WDR33: variants seen among roughly 807,000 people sequenced by gnomAD.
The protein encoded by WDR33 is WD repeat domain 33, also known as pre-mRNA 3' end processing protein WDR33.
A neutral mutation model predicts 164.9 loss-of-function variants in WDR33; 47 were observed. The observed-to-expected ratio is 0.29, with a 90% confidence interval of 0.23 to 0.36. WDR33 has a LOEUF of 0.36. Ranked by LOEUF, WDR33 falls within the 10% of genes least tolerant of loss-of-function variation. WDR33 has a pLI of 1.00. For missense variants in WDR33, 1,137 were observed against 1,754.1 expected (o/e 0.65, Z 6.28); for synonymous variants, 505 against 589.0 (o/e 0.86, Z 2.06).
chr2:127,764,743 A>G lies in WDR33; in HGVS notation c.626+85T>C, dbSNP rs1687774770. ...AGTTTCCCAGAAACTGACAGAGCCCATGCATCTCTGCACCCAGAATACACT... is the reference window on the plus strand; with the variant it reads ...AGTTTCCCAGAAACTGACAGAGCCCGTGCATCTCTGCACCCAGAATACACT... On this transcript the variant is annotated intron_variant, in intron 6 of 21. Coordinates refer to ENST00000322313, the MANE Select transcript of WDR33 (RefSeq NM_018383.5). This position sits in a 1 kb window ranked among gnomAD's most constrained non-coding sequence, Gnocchi z 6.2. 2 of 1,614,102 alleles carry G rather than the reference A, an allele frequency of 1.2e-6. No homozygotes were observed. The highest frequency in any genetic ancestry group is 1.3e-5 in the African/African-American group (1 of 74,932).
Position 127,701,783 on chromosome 2 carries a change from G to C in WDR33, c.*4540C>G, listed in dbSNP as rs1257331143. ...TGGCGGCGGGCGGCGGGTGCCTGCTGCTGGCTGCACTGTGTTTCGGCCTAG... is the reference window on the plus strand; with the variant it reads ...TGGCGGCGGGCGGCGGGTGCCTGCTCCTGGCTGCACTGTGTTTCGGCCTAG... On this transcript the variant is annotated 3_prime_UTR_variant, in exon 22 of 22. Transcript: ENST00000322313. 1 of 1,437,474 alleles carries C rather than the reference G, an allele frequency of 7.0e-7. No homozygotes were observed. The highest frequency in any genetic ancestry group is 9.1e-7 in the Non-Finnish European group (1 of 1,096,332). The allele number at this position is 1,437,474 out of a possible 1,614,324, so 89.0% of individuals were successfully genotyped here. A position where few individuals can be genotyped will look rare whatever the true frequency, so the allele number is the denominator to read the frequency against.
chr2:127,772,162 C>T (rs1331440199), intron 1 of WDR33, among the ~76,000 whole-genome samples: 1 of 151,278 alleles, frequency 6.6e-6, no homozygotes, highest in African/African-American at 2.4e-5. Flanking sequence ...CACAGCTGGG[C>T]GCAGTGGCTC....
rs1404609691 is a variant in WDR33, at chr2:127,706,424, A to G, written c.3910T>C (p.Ser1304Pro). ...TTACTGCCACTCCGGCCCCCTCGAG[A>G]AGGGGTGCCACTGCCTGGAGGGCCC... The part of the protein sequence containing the change: ...FGGPPGSGTP[S>P]RGGRSGSNWG... Residue 1304 changes from serine to proline, a missense_variant, in exon 22 of 22, where the codon TCT becomes CCT. Ser to Pro is a moderately conservative substitution (Grantham distance 74). Transcript: ENST00000322313. This position sits in a 1 kb window ranked among gnomAD's most constrained non-coding sequence, Gnocchi z 5.1. 6.2e-7 allele frequency: 1 copy of G among 1,613,560 alleles called. No individual in the cohort carries two copies. Among genetic ancestry groups the G allele is most frequent in the South Asian group, 1.1e-5 (1 of 90,960 alleles).
In WDR33 at chr2:127,763,972, G is replaced by C; in HGVS notation, c.627-813C>G. On this transcript the variant is annotated intron_variant, in intron 6 of 21. Transcript: ENST00000322313. This position sits in a 1 kb window ranked among gnomAD's most constrained non-coding sequence, Gnocchi z 4.5. ...AACAATTTCTGTTAAGATTCTGAAA[G>C]TATGAACAAATGACTACAGTGGATG... 1.0e-6 allele frequency: 1 copy of C among 985,868 alleles called. No individual in the cohort carries two copies. Among genetic ancestry groups the C allele is most frequent in the Non-Finnish European group, 1.2e-6 (1 of 830,288 alleles). The allele number at this position is 985,868 out of a possible 1,614,324, so 61.1% of individuals were successfully genotyped here. A position where few individuals can be genotyped will look rare whatever the true frequency, so the allele number is the denominator to read the frequency against.
intron 21 of WDR33, among the ~76,000 whole-genome samples, chr2:127,707,648 T>C (rs1022030123): frequency 6.6e-6 from 1 of 152,140 alleles, no homozygotes; most frequent in African/African-American, 2.4e-5. Context: ...TGATGATACA[T>C]AAGGTAATTT....
chr2:127,701,976 A>T lies in WDR33; in HGVS notation c.*4347T>A. 3.7e-6 allele frequency: 5 copies of T among 1,367,144 alleles called. No individual in the cohort carries two copies. In the South Asian group the frequency reaches 8.0e-5, roughly 22 times the overall value. 84.7% of individuals were successfully genotyped at this position (1,367,144 alleles called of 1,614,324 possible). The stretch of plus-strand genomic sequence containing the variant: ...GCCGTCCCGGCCCGCGCTGCTCTAC[A>T]TGGCAGCGCTGGGCGCCACGCTGTT... On this transcript the variant is annotated 3_prime_UTR_variant, in exon 22 of 22. Transcript: ENST00000322313.
chr2:127,748,884 T>TAA (rs59425653), intron 7 of WDR33, among the ~76,000 whole-genome samples: 28 of 104,982 alleles, frequency 2.7e-4, no homozygotes, highest in African/African-American at 4.2e-4. Context: ...AGCTGAAACT[T>TAA]AAAAAAAAAA....
chr2:127,748,509 T>G (rs1687228214), intron 7 of WDR33, among the ~76,000 whole-genome samples: 2 of 152,300 alleles, frequency 1.3e-5, no homozygotes, highest in African/African-American at 4.8e-5. Flanking sequence ...AAGACCATGG[T>G]AAAATGTTTT....
chr2:127,747,906 A>C (rs1391889859), intron 7 of WDR33, among the ~76,000 whole-genome samples: 1 of 152,234 alleles, frequency 6.6e-6, no homozygotes, highest in Non-Finnish European at 1.5e-5. Flanking sequence ...TCTGACATGT[A>C]CAGCTTAAAC....
intron 1 of WDR33, among the ~76,000 whole-genome samples, chr2:127,781,572 A>T (rs1244022133): frequency 6.6e-6 from 1 of 152,232 alleles, no homozygotes; most frequent in Non-Finnish European, 1.5e-5. Flanking sequence ...AAACTGGGTA[A>T]CATAAATAGA....
rs397763436 is a variant in WDR33, at chr2:127,725,231, C to CA, written c.852-17dup. 2,657 of 1,552,804 alleles carry CA rather than the reference C, an allele frequency of 1.7e-3. 24 individuals carry two copies. In the African/African-American group the frequency reaches 0.027, roughly 16 times the overall value. ...ATGGGCATGACTAGAAACAAAGTAT[C>CA]AAAAAAAAATGTCAGAATTCAAAAC... On this transcript the variant is annotated splice_polypyrimidine_tract_variant and intron_variant, in intron 8 of 21. Coordinates refer to ENST00000322313, the MANE Select transcript of WDR33 (RefSeq NM_018383.5).
chr2:127,753,490 A>G (rs913857380), intron 7 of WDR33, among the ~76,000 whole-genome samples: 40 of 152,244 alleles, frequency 2.6e-4, no homozygotes, highest in Admixed American at 2.4e-3. Flanking sequence ...TGGAAATGAC[A>G]TATCAATGAG....
chr2:127,752,596 C>CAA (rs34369142), intron 7 of WDR33, among the ~76,000 whole-genome samples: 207 of 76,208 alleles, frequency 2.7e-3, no homozygotes, highest in South Asian at 3.3e-3. Context: ...GACTCCGTCT[C>CAA]AAAAAAAAAA....
Position 127,722,600 on chromosome 2 carries a change from C to T in WDR33, c.1509G>A (p.Gln503=). 1 of 1,613,434 alleles carries T rather than the reference C, an allele frequency of 6.2e-7. No homozygotes were observed. Among genetic ancestry groups the T allele is most frequent in the Non-Finnish European group, 8.5e-7 (1 of 1,179,832 alleles). The part of the protein sequence containing the change: ...KVPYAKPIPA[Q]FQQAWMQNKV... ...AGTCACTTTTACTTACCTGCTGGAA[C>T]TGAGCAGGAATGGGTTTTGCATAAG... The change falls in exon 14 of 22, where the codon CAG becomes CAA. Residue 503 remains glutamine, a synonymous_variant. Coordinates refer to ENST00000322313, the MANE Select transcript of WDR33 (RefSeq NM_018383.5). This position sits in a 1 kb window ranked among gnomAD's most constrained non-coding sequence, Gnocchi z 5.1.
chr2:127,736,813 T>TA, intron 7 of WDR33: 1 of 985,416 alleles, frequency 1.0e-6, no homozygotes, highest in Non-Finnish European at 1.2e-6. Context: ...TGCTGAAACT[T>TA]ACATATCAGG....
chr2:127,781,396 G>A (rs911661356), intron 1 of WDR33, among the ~76,000 whole-genome samples: 10 of 152,068 alleles, frequency 6.6e-5, no homozygotes, highest in Admixed American at 2.0e-4. Context: ...TTATGGTGGC[G>A]AACACAGGAA....
chr2:127,787,525 C>A (rs1688631728), intron 1 of WDR33, among the ~76,000 whole-genome samples: 1 of 130,022 alleles, frequency 7.7e-6, no homozygotes, highest in Admixed American at 7.1e-5. Context: ...GGGCGGCTGG[C>A]CGGTCGGGGG....
In WDR33 at chr2:127,735,915, T is replaced by G; in HGVS notation, c.725-9138A>C. On this transcript the variant is annotated intron_variant, in intron 7 of 21. Coordinates refer to ENST00000322313, the MANE Select transcript of WDR33 (RefSeq NM_018383.5). This position sits in a 1 kb window ranked among gnomAD's most constrained non-coding sequence, Gnocchi z 4.3. ...TGTCCAGTCTAGAAAGTTACATCAG[T>G]GAAAAACTATAGAATTAAATGGAAA... 1.0e-6 allele frequency: 1 copy of G among 985,396 alleles called. No individual in the cohort carries two copies. The highest frequency in any genetic ancestry group is 1.2e-6 in the Non-Finnish European group (1 of 829,914). The allele number at this position is 985,396 out of a possible 1,614,324, so 61.0% of individuals were successfully genotyped here.
rs1181968345 is a variant in WDR33, at chr2:127,730,632, T to TAAA, written c.725-3858_725-3856dup. On this transcript the variant is annotated intron_variant, in intron 7 of 21. Transcript: ENST00000322313. ...AAAAAGCTCATGAAATAATGTGAAC[T>TAAA]AAAAAGCAAGCAAAACACACAAACT... Among the ~76,000 whole-genome samples, 5 of 151,458 alleles carry TAAA rather than the reference T, an allele frequency of 3.3e-5. No homozygotes were observed. The South Asian group carries it at 1.0e-3, about 32-fold the overall frequency.
Sources: gnomAD v4.1 joint callset for allele counts (sites outside exome capture counted in the v4.1 genomes callset) on GRCh38, gnomAD v4.1.1 for gene constraint, Gnocchi (gnomAD v3.1) non-coding constraint, MANE v1.5 for transcripts, NCBI Gene and HGNC (gene_info 2026-07-23, HGNC 2026-07-21) for gene names.